Variants in SPECC1 observed in about 807,000 individuals in gnomAD.
SPECC1 encodes the protein sperm antigen with calponin homology and coiled-coil domains 1.
SPECC1 carries 62 observed loss-of-function variants against 104.1 expected under a neutral mutation model. The ratio of observed to expected loss-of-function variants is 0.60; its 90% CI spans 0.49 to 0.74. The LOEUF (loss-of-function observed/expected upper bound fraction) is 0.74, where lower values mean the gene tolerates loss of function less well. Among genes scored for constraint, SPECC1 ranks in the 30% least tolerant of loss-of-function variants. The probability of loss-of-function intolerance (pLI) is 0.00; values close to 1 mark genes in which losing one functional copy is unlikely to be tolerated. For synonymous variants in SPECC1, 513 were observed against 501.6 expected (o/e 1.02, Z -0.30); for missense variants, 1,306 against 1,310.5 (o/e 1.00, Z 0.05).
chr17:20,292,302 C>G (rs2041195385), intron 12 of SPECC1, among the ~76,000 whole-genome samples: 1 of 151,954 alleles, frequency 6.6e-6, no homozygotes, highest in Admixed American at 6.6e-5. Flanking sequence ...GGATGGGGCA[C>G]CCCACTGCCC....
At chr17:20,115,033 A>G (rs1057108878) in intron 3 of SPECC1, among the ~76,000 whole-genome samples, 7 of 152,234 alleles carry the variant, frequency 4.6e-5, no homozygotes, top group African/African-American at 1.7e-4. Flanking sequence ...TGTAGAAATA[A>G]CCTAAAACTG....
intron 1 of SPECC1, among the ~76,000 whole-genome samples, chr17:20,070,680 C>T (rs1324766342): frequency 6.6e-6 from 1 of 152,090 alleles, no homozygotes; most frequent in Admixed American, 6.5e-5. Flanking sequence ...CAAGGATAAG[C>T]TCATCACTGT....
chr17:20,022,722 C>T (rs2044442145), intron 1 of SPECC1, among the ~76,000 whole-genome samples: 1 of 152,208 alleles, frequency 6.6e-6, no homozygotes, highest in Non-Finnish European at 1.5e-5. Context: ...CTCACTCATT[C>T]TCTTGACCTC....
intron 1 of SPECC1, among the ~76,000 whole-genome samples, chr17:20,019,524 A>AGG (rs2044287857): frequency 6.6e-6 from 1 of 152,176 alleles, no homozygotes; most frequent in African/African-American, 2.4e-5. Context: ...GAGAGCACAG[A>AGG]GGGACTACTC....
At chr17:20,236,471 A>C (rs2038917603) in intron 7 of SPECC1, among the ~76,000 whole-genome samples, 1 of 152,154 alleles carries the variant, frequency 6.6e-6, no homozygotes, top group Non-Finnish European at 1.5e-5. Context: ...TTAGGCCTTT[A>C]GGATTTTTAG....
At chr17:20,015,582 C>CTTTTTTTTTTTTTT (rs1469162594) in intron 1 of SPECC1, among the ~76,000 whole-genome samples, 1 of 81,048 alleles carries the variant, frequency 1.2e-5, no homozygotes, top group Non-Finnish European at 2.9e-5. Context: ...TTCCGGGTCT[C>CTTTTTTTTTTTTTT]TATTTTTTTT....
intron 3 of SPECC1, among the ~76,000 whole-genome samples, chr17:20,150,764 T>G (rs1398107930): frequency 2.0e-5 from 3 of 152,152 alleles, no homozygotes; most frequent in Non-Finnish European, 4.4e-5. Context: ...TTTAATGTGT[T>G]CTGGTCATAG....
intron 12 of SPECC1, among the ~76,000 whole-genome samples, chr17:20,282,674 C>A (rs1274130717): frequency 6.6e-6 from 1 of 152,140 alleles, no homozygotes; most frequent in Non-Finnish European, 1.5e-5. Context: ...CCCCTTCACA[C>A]GTCATTCTGC....
Position 20,227,602 on chromosome 17 carries a change from C to T in SPECC1, c.2053C>T (p.Leu685Phe). 1 of 1,611,900 alleles carries T rather than the reference C, an allele frequency of 6.2e-7. No homozygotes were observed. Among genetic ancestry groups the T allele is most frequent in the East Asian group, 2.2e-5 (1 of 44,858 alleles). The change falls in exon 5 of 15, where the codon CTC becomes TTC. Residue 685 changes from leucine (L) to phenylalanine (F), a missense_variant. Physicochemically the swap from Leu to Phe is conservative, Grantham distance 22 (BLOSUM62 0). This residue lies in a region of SPECC1 where 1,177 missense variants were observed against 1,139.9 expected (regional missense o/e 1.03). Coordinates refer to ENST00000395527, the MANE Select transcript of SPECC1 (RefSeq NM_001243439.2). ...HRAVKLHNNQ[L>F]ISELESSVIK... ...GGCTGTCAAGTTACACAATAATCAA[C>T]TCATCAGTGAGCTAGAAAGTAAGTG...
chr17:20,253,918 C>T (rs751885224), intron 10 of SPECC1, among the ~76,000 whole-genome samples: 5 of 151,920 alleles, frequency 3.3e-5, no homozygotes, highest in African/African-American at 1.2e-4. Context: ...CCTCCTGCCT[C>T]GGCCTCCCAC....
chr17:20,232,528 G>A, intron 7 of SPECC1, 123 bp downstream of exon 7: 1 of 1,097,204 alleles, frequency 9.1e-7, no homozygotes, highest in Non-Finnish European at 1.3e-6. Flanking sequence ...AGATCACCCT[G>A]AATTACTAGC....
chr17:20,055,513 C>T (rs1403289599), intron 1 of SPECC1, among the ~76,000 whole-genome samples: 1 of 152,176 alleles, frequency 6.6e-6, no homozygotes, highest in East Asian at 1.9e-4. Context: ...GTCATCCTGA[C>T]AATGTGCGTT....
chr17:20,031,962 A>T (rs1212132565), intron 1 of SPECC1, among the ~76,000 whole-genome samples: 2 of 152,168 alleles, frequency 1.3e-5, no homozygotes, highest in Admixed American at 1.3e-4. Flanking sequence ...ATGAACATGG[A>T]TGTACAAATA....
rs577532641 is a variant in SPECC1 at position 20,314,613 on chromosome 17, C to T, written c.*548C>T. On this transcript the variant is annotated 3_prime_UTR_variant, in exon 15 of 15. Coordinates refer to ENST00000395527, the MANE Select transcript of SPECC1 (RefSeq NM_001243439.2). ...TATGAGCATACCACTGCACTCCAGCCTGTGTGAAAGAGCCAGACCCTGTCT... is the reference window on the plus strand; with the variant it reads ...TATGAGCATACCACTGCACTCCAGCTTGTGTGAAAGAGCCAGACCCTGTCT... The T allele has an allele frequency of 4.3e-6, 1 of 233,784 alleles. No homozygotes were observed. The highest frequency in any genetic ancestry group is 5.5e-5 in the Admixed American group (1 of 18,082). The allele number at this position is 233,784 out of a possible 1,614,324, so 14.5% of individuals were successfully genotyped here.
chr17:20,101,494 A>G (rs1038256554), intron 2 of SPECC1, among the ~76,000 whole-genome samples: 1 of 152,176 alleles, frequency 6.6e-6, no homozygotes, highest in Non-Finnish European at 1.5e-5. Context: ...CTGACTTTCA[A>G]CATTGGCCTG....
intron 8 of SPECC1, 134 bp downstream of exon 8, chr17:20,246,205 G>C: frequency 9.8e-7 from 1 of 1,019,480 alleles, no homozygotes; most frequent in South Asian, 1.6e-5. Context: ...GTCCTACCAC[G>C]TGCAGCCACT....
rs542238519 is a variant in SPECC1 at position 20,316,167 on chromosome 17, A to AT, written c.*2112dup. The AT allele has an allele frequency of 5.1e-3, 1,090 of 212,964 alleles. 3 individuals carry two copies. The highest frequency in any genetic ancestry group is 0.012 in the African/African-American group (528 of 44,014). The allele number at this position is 212,964 out of a possible 1,614,324, so 13.2% of individuals were successfully genotyped here. A position where few individuals can be genotyped will look rare whatever the true frequency, so the allele number is the denominator to read the frequency against. On this transcript the variant is annotated 3_prime_UTR_variant, in exon 15 of 15. Coordinates refer to ENST00000395527, the MANE Select transcript of SPECC1 (RefSeq NM_001243439.2). ...GCTGATTCAGGCACTTGTTTGAAGC[A>AT]TTTTTTTTTTATTAACCCTGTACTT...
intron 12 of SPECC1, among the ~76,000 whole-genome samples, chr17:20,291,838 C>T (rs180895679): frequency 1.8e-3 from 276 of 151,832 alleles, no homozygotes; most frequent in Non-Finnish European, 3.0e-3. Flanking sequence ...GCTACCGCAC[C>T]CAGCCAAGGG....
intron 12 of SPECC1, among the ~76,000 whole-genome samples, chr17:20,294,001 T>G (rs1307801003): frequency 6.6e-6 from 1 of 152,060 alleles, no homozygotes; most frequent in Non-Finnish European, 1.5e-5. Context: ...TTGTTTTTGT[T>G]TTTTTTGAGA....
Sources: gnomAD v4.1 joint callset for allele counts (sites outside exome capture counted in the v4.1 genomes callset) on GRCh38, gnomAD v4.1.1 for gene constraint, gnomAD v4.1.1 regional missense constraint, MANE v1.5 for transcripts, NCBI Gene and HGNC (gene_info 2026-07-23, HGNC 2026-07-21) for gene names.